Variants in NPR3 observed in about 807,000 individuals in gnomAD.
NPR3 encodes the protein natriuretic peptide receptor 3, also known as atrial natriuretic peptide receptor 3.
NPR3 carries 34 observed loss-of-function variants against 54.5 expected under a neutral mutation model. The observed-to-expected ratio is 0.62, with a 90% CI of 0.47 to 0.83. The LOEUF is 0.83. Ranked by LOEUF, NPR3 falls within the 40% of genes least tolerant of loss-of-function variation. NPR3 has a pLI of 0.00. For missense variants in NPR3, 674 were observed against 720.8 expected (o/e 0.94, Z 0.74); for synonymous variants, 289 against 297.1 (o/e 0.97, Z 0.28).
chr5:32,742,264 C>G (rs6879278), intron 3 of NPR3, among the ~76,000 whole-genome samples: 8,880 of 152,036 alleles, frequency 0.058, 301 homozygotes, highest in Non-Finnish European at 0.073. Flanking sequence ...AATCACATGA[C>G]CTAGGAATAG....
intron 1 of NPR3, among the ~76,000 whole-genome samples, chr5:32,715,498 C>G (rs1175622528): frequency 6.6e-6 from 1 of 152,182 alleles, no homozygotes; most frequent in Non-Finnish European, 1.5e-5. Context: ...ATTATTCCTT[C>G]ATTTTAAGGA....
rs1373673867 is a variant in NPR3, at chr5:32,786,296, A to G, written c.1577A>G (p.His526Arg). The change falls in exon 8 of 8, where the codon CAT becomes CGT. Residue 526 changes from histidine to arginine, a missense_variant. Coordinates refer to ENST00000265074, the MANE Select transcript of NPR3 (RefSeq NM_001204375.2). ...TQQEESNLGK[H>R]RELREDSIRS... ...CAAGAAGAAAGTAACCTTGGAAAAC[A>G]TCGGGAATTACGGGAAGATTCCATC... 6 of 1,592,616 alleles carry G rather than the reference A, an allele frequency of 3.8e-6. No homozygotes were observed. The highest frequency in any genetic ancestry group is 1.1e-5 in the South Asian group (1 of 88,306).
intron 1 of NPR3, among the ~76,000 whole-genome samples, chr5:32,700,252 G>A (rs112566765): frequency 0.07 from 10,634 of 152,154 alleles, 1,196 homozygotes; most frequent in African/African-American, 0.24. Flanking sequence ...GGTTTGGAAA[G>A]TTCTCTGTTA....
At chr5:32,713,859 A>T (rs1738399852) in intron 1 of NPR3, among the ~76,000 whole-genome samples, 1 of 152,204 alleles carries the variant, frequency 6.6e-6, no homozygotes, top group Non-Finnish European at 1.5e-5. Flanking sequence ...GACAGTGGGA[A>T]TGCATGGCCA....
intron 3 of NPR3, among the ~76,000 whole-genome samples, chr5:32,743,630 C>T (rs1175337197): frequency 6.6e-6 from 1 of 152,146 alleles, no homozygotes; most frequent in Non-Finnish European, 1.5e-5. Flanking sequence ...TTTCCCAGTT[C>T]ATATTTTGGA....
intron 3 of NPR3, among the ~76,000 whole-genome samples, chr5:32,772,892 C>G (rs190352452): frequency 2.0e-5 from 3 of 152,020 alleles, no homozygotes; most frequent in Non-Finnish European, 4.4e-5. Flanking sequence ...AAAGGGGGGG[C>G]GAGGATTTTT....
chr5:32,735,418 CTT>C (rs752168252), intron 2 of NPR3, among the ~76,000 whole-genome samples: 2 of 144,566 alleles, frequency 1.4e-5, no homozygotes, highest in Non-Finnish European at 3.0e-5. Context: ...GGCTCTATCT[CTT>C]TTTTTTATAA....
intron 4 of NPR3, among the ~76,000 whole-genome samples, chr5:32,777,769 G>A (rs917324249): frequency 2.0e-5 from 3 of 152,094 alleles, no homozygotes; most frequent in African/African-American, 7.2e-5. Flanking sequence ...TAGACAGATT[G>A]TAGTTCATGG....
chr5:32,737,635 T>C (rs1482297098), intron 2 of NPR3, among the ~76,000 whole-genome samples: 1 of 152,204 alleles, frequency 6.6e-6, no homozygotes, highest in Non-Finnish European at 1.5e-5. Flanking sequence ...CAATACTTCG[T>C]AGAAAAAATA....
chr5:32,730,492 T>C (rs751628429), intron 2 of NPR3, among the ~76,000 whole-genome samples: 8 of 152,056 alleles, frequency 5.3e-5, no homozygotes, highest in Non-Finnish European at 1.0e-4. Context: ...GGGCAAGAAA[T>C]GAAAATAAAA....
At chr5:32,715,648 C>T (rs754720618) in intron 1 of NPR3, among the ~76,000 whole-genome samples, 2 of 152,116 alleles carry the variant, frequency 1.3e-5, no homozygotes, top group African/African-American at 4.8e-5. Flanking sequence ...CTTACACAGC[C>T]AGCTACTGCC....
At position 32,789,461 on chromosome 5, in the gene NPR3, G is replaced by A. The variant is rs143650610; in HGVS notation, c.*3116G>A. 66 of 532,608 alleles carry A rather than the reference G, an allele frequency of 1.2e-4. No individual in the cohort carries two copies. The East Asian group carries it at 1.4e-3, about 11-fold the overall frequency. The allele number at this position is 532,608 out of a possible 1,614,324, so 33.0% of individuals were successfully genotyped here. ...AAGAACCATCAACTTGTCTTTTCTT[G>A]AACCACAGGAATGGTTCTACAGACC... is the stretch of plus-strand genomic sequence containing the variant. On this transcript the variant is annotated 3_prime_UTR_variant, in exon 8 of 8. Transcript: ENST00000265074.
intron 2 of NPR3, among the ~76,000 whole-genome samples, chr5:32,726,689 A>G (rs1739151495): frequency 6.6e-6 from 1 of 152,264 alleles, no homozygotes; most frequent in South Asian, 2.1e-4. Context: ...TCTTATCCAC[A>G]GATAAAGCTT....
In NPR3 at chr5:32,786,589, A is replaced by G. The variant is rs1213488470; in HGVS notation, c.*244A>G. 4.2e-6 allele frequency: 2 copies of G among 472,526 alleles called. No individual in the cohort carries two copies. The highest frequency in any genetic ancestry group is 2.0e-5 in the African/African-American group (1 of 48,826). 29.3% of individuals were successfully genotyped at this position (472,526 alleles called of 1,614,324 possible). A position where few individuals can be genotyped will look rare whatever the true frequency, so the allele number is the denominator to read the frequency against. On this transcript the variant is annotated 3_prime_UTR_variant, in exon 8 of 8. Coordinates refer to ENST00000265074, the MANE Select transcript of NPR3 (RefSeq NM_001204375.2). ...TCGTGTCACTCTGTTAAATGTTCAT[A>G]CTGTTTCAAGCCCATATGATTAGAT...
Position 32,733,116 on chromosome 5 carries a change from A to T in NPR3, c.893-5748A>T, listed in dbSNP as rs932629801. 7.9e-5 allele frequency among the ~76,000 whole-genome samples: 12 copies of T among 152,290 alleles called. No individual in the cohort carries two copies. The East Asian group carries it at 2.3e-3, about 29-fold the overall frequency. ...TGCCTCGGCCTCCCAAAGTGCTGGGATTACAGACGTGAGCCACCGTGCCCG... is the reference window on the plus strand; with the variant it reads ...TGCCTCGGCCTCCCAAAGTGCTGGGTTTACAGACGTGAGCCACCGTGCCCG... On this transcript the variant is annotated intron_variant, in intron 2 of 7. Coordinates refer to ENST00000265074, the MANE Select transcript of NPR3 (RefSeq NM_001204375.2).
At chr5:32,709,968 A>G (rs758781505), upstream of NPR3, 2 of 152,206 alleles carry the variant, frequency 1.3e-5, no homozygotes, top group Admixed American at 1.3e-4. Flanking sequence ...CAAATGAAAG[A>G]CCATTTTAAC....
chr5:32,732,466 G>A (rs562265791), intron 2 of NPR3, among the ~76,000 whole-genome samples: 27 of 151,718 alleles, frequency 1.8e-4, no homozygotes, highest in African/African-American at 5.1e-4. Context: ...TCTAGTGACA[G>A]GGGATATCAG....
intron 7 of NPR3, among the ~76,000 whole-genome samples, chr5:32,785,274 C>A (rs557140663): frequency 6.6e-6 from 1 of 151,282 alleles, no homozygotes; most frequent in African/African-American, 2.4e-5. Context: ...CTCAGCCTCA[C>A]GAGGAGCTGG....
intron 3 of NPR3, among the ~76,000 whole-genome samples, chr5:32,746,303 G>A (rs1740295712): frequency 1.3e-5 from 2 of 152,176 alleles, no homozygotes; most frequent in Admixed American, 6.5e-5. Flanking sequence ...GTGTGTAAGT[G>A]CACGTGTGTA....
Sources: allele counts gnomAD v4.1 joint callset (sites outside exome capture counted in the v4.1 genomes callset), GRCh38; gene constraint gnomAD v4.1.1; transcripts MANE v1.5; gene names NCBI Gene and HGNC (gene_info 2026-07-23, HGNC 2026-07-21).